Variants in PCDHGB2 observed in about 807,000 individuals in gnomAD.
The protein encoded by PCDHGB2 is protocadherin gamma-B2.
A neutral mutation model predicts 59.3 loss-of-function variants in PCDHGB2; 55 were observed. The ratio of observed to expected loss-of-function variants is 0.93; its 90% confidence interval spans 0.75 to 1.16. The LOEUF (loss-of-function observed/expected upper bound fraction) is 1.16. Among genes scored for constraint, PCDHGB2 ranks in the 50% most tolerant of loss-of-function variants. PCDHGB2 has a pLI of 0.00. For missense variants in PCDHGB2, 1,228 were observed against 1,198.5 expected (o/e 1.02, Z -0.36); for synonymous variants, 516 against 512.0 (o/e 1.01, Z -0.11).
At chr5:141,501,583 T>C (rs1270487304) in intron 2 of PCDHGB2, among the ~76,000 whole-genome samples, 1 of 152,054 alleles carries the variant, frequency 6.6e-6, no homozygotes, top group Non-Finnish European at 1.5e-5. Context: ...GGCTTTCAGG[T>C]TGCAACTCTA....
intron 1 of PCDHGB2, chr5:141,395,176 A>G (rs750497200): frequency 1.1e-5 from 18 of 1,614,206 alleles, no homozygotes; most frequent in East Asian, 8.9e-5. Flanking sequence ...TGTGAGAAAA[A>G]TGATTCTTTG....
rs544678317 is a variant in PCDHGB2, at chr5:141,430,911, A to C, written c.2422-63896A>C. The C allele has an allele frequency of 1.9e-5, 31 of 1,607,958 alleles. No homozygotes were observed. The Admixed American group carries it at 2.2e-4, about 11-fold the overall frequency. ...TCTAGGGTGGGCGACATCTCCAGGG[A>C]CCTGGGGCTGGAGCCCCGGGAGCTC... On this transcript the variant is annotated intron_variant, in intron 1 of 3. Transcript: ENST00000522605.
intron 1 of PCDHGB2, chr5:141,382,981 GC>G (rs1247248869): frequency 6.2e-7 from 1 of 1,612,206 alleles, no homozygotes; most frequent in African/African-American, 1.3e-5. Flanking sequence ...GGAAGCCTGG[GC>G]AGGACGTATT....
chr5:141,490,111 A>G lies in PCDHGB2; in HGVS notation c.2422-4696A>G. 6.2e-7 allele frequency: 1 copy of G among 1,614,244 alleles called. No individual in the cohort carries two copies. The highest frequency in any genetic ancestry group is 8.5e-7 in the Non-Finnish European group (1 of 1,180,042). On this transcript the variant is annotated intron_variant, in intron 1 of 3. Coordinates refer to ENST00000522605, the MANE Select transcript of PCDHGB2 (RefSeq NM_018923.3). The surrounding 1 kb of genome is among the most constrained non-coding windows in gnomAD (Gnocchi z 5.4). ...AGACCACACATCTGAGGCAGTGCGGAACCTCTTTGGCCTAGACCCTAGCAG... is the reference window on the plus strand; with the variant it reads ...AGACCACACATCTGAGGCAGTGCGGGACCTCTTTGGCCTAGACCCTAGCAG...
At chr5:141,365,421 C>T in intron 1 of PCDHGB2, 1 of 1,614,014 alleles carries the variant, frequency 6.2e-7, no homozygotes, top group East Asian at 2.2e-5. Flanking sequence ...CTTCCCGGAA[C>T]TGTAATCGCG....
rs1285653916 is a variant in PCDHGB2, at chr5:141,388,617, G to A, written c.2421+26061G>A. ...TGATAATGCTCCAGTGTTCAGTCAA[G>A]ACGTATACAGGGTGAGCCTTTCAGA... is the stretch of plus-strand genomic sequence containing the variant. On this transcript the variant is annotated intron_variant, in intron 1 of 3. Coordinates refer to ENST00000522605, the MANE Select transcript of PCDHGB2 (RefSeq NM_018923.3). The A allele has an allele frequency of 3.1e-6, 5 of 1,613,920 alleles. No individual in the cohort carries two copies. The South Asian group carries it at 5.5e-5, about 18-fold the overall frequency.
intron 1 of PCDHGB2, chr5:141,378,778 C>G (rs962575356): frequency 6.6e-5 from 10 of 152,270 alleles, no homozygotes; most frequent in Middle Eastern, 3.4e-3. Flanking sequence ...ACTGATTAGT[C>G]TTATTTATTA....
At position 141,494,788 on chromosome 5, in the gene PCDHGB2, C is replaced by T. The variant is rs2099756942; in HGVS notation, c.2422-19C>T. The T allele has an allele frequency of 6.2e-7, 1 of 1,614,116 alleles. No homozygotes were observed. The highest frequency in any genetic ancestry group is 8.5e-7 in the Non-Finnish European group (1 of 1,180,000). On this transcript the variant is annotated intron_variant, in intron 1 of 3. Transcript: ENST00000522605. ...CTTCTCACGGGTACTCAGCCCCTTTCCCTCTGTTTTCTCCACAGCAAGCCC... is the reference window on the plus strand; with the variant it reads ...CTTCTCACGGGTACTCAGCCCCTTTTCCTCTGTTTTCTCCACAGCAAGCCC...
intron 1 of PCDHGB2, chr5:141,428,211 C>T (rs777952475): frequency 2.2e-5 from 28 of 1,284,198 alleles, no homozygotes; most frequent in South Asian, 4.9e-5. Flanking sequence ...CTACGCTTCA[C>T]CTAGTCTTCG....
rs766133958 is a variant in PCDHGB2, at chr5:141,403,000, A to G, written c.2421+40444A>G. 27 of 1,613,862 alleles carry G rather than the reference A, an allele frequency of 1.7e-5. No individual in the cohort carries two copies. Among genetic ancestry groups the G allele is most frequent in the Middle Eastern group, 1.6e-4 (1 of 6,082 alleles). ...AGCTCCGCGGAAGATTAGTCCTGCT[A>G]TGCTCGCTCCTGGGGATGCTATGGG... On this transcript the variant is annotated intron_variant, in intron 1 of 3. Transcript: ENST00000522605.
chr5:141,401,672 T>A (rs1468956975), intron 1 of PCDHGB2, among the ~76,000 whole-genome samples: 1 of 152,222 alleles, frequency 6.6e-6, no homozygotes, highest in African/African-American at 2.4e-5. Context: ...CTCAACATCC[T>A]TGTAGGATGG....
At chr5:141,370,407 T>G in intron 1 of PCDHGB2, 1 of 1,561,028 alleles carries the variant, frequency 6.4e-7, no homozygotes, top group African/African-American at 1.4e-5. Flanking sequence ...GGGAAATAGC[T>G]CCGGATGGAG....
At chr5:141,394,557 G>T in intron 1 of PCDHGB2, 1 of 1,614,082 alleles carries the variant, frequency 6.2e-7, no homozygotes, top group South Asian at 1.1e-5. Context: ...GCCCCGCTCC[G>T]CAGAGCGTGG....
intron 1 of PCDHGB2, chr5:141,422,741 A>G (rs1319821802): frequency 6.2e-7 from 1 of 1,610,084 alleles, no homozygotes; most frequent in Non-Finnish European, 8.5e-7. Flanking sequence ...CTGTCCTCCT[A>G]TGTCTCTATT....
chr5:141,444,463 G>A (rs570185430), intron 1 of PCDHGB2, among the ~76,000 whole-genome samples: 10 of 152,026 alleles, frequency 6.6e-5, no homozygotes, highest in Admixed American at 1.3e-4. Context: ...GAGTCACTGC[G>A]CCCGGTCGCG....
In PCDHGB2 at chr5:141,431,538, A is replaced by G; in HGVS notation, c.2422-63269A>G. ...CCGGAGAATCTGGCCTTGGGCACGC[A>G]GCTGCTTGTAGTCAACGCTACCGAC... is the stretch of plus-strand genomic sequence containing the variant. On this transcript the variant is annotated intron_variant, in intron 1 of 3. Transcript: ENST00000522605. The surrounding 1 kb of genome is among the most constrained non-coding windows in gnomAD (Gnocchi z 4.8). The G allele has an allele frequency of 6.2e-7, 1 of 1,614,114 alleles. No individual in the cohort carries two copies. Among genetic ancestry groups the G allele is most frequent in the Non-Finnish European group, 8.5e-7 (1 of 1,180,024 alleles).
intron 1 of PCDHGB2, chr5:141,376,235 C>T: frequency 1.2e-6 from 2 of 1,614,198 alleles, no homozygotes; most frequent in Non-Finnish European, 1.7e-6. Flanking sequence ...CAGACTGCAG[C>T]GCTGGCACAA....
intron 1 of PCDHGB2, chr5:141,394,550 C>T (rs1389907024): frequency 9.3e-6 from 15 of 1,614,014 alleles, no homozygotes; most frequent in South Asian, 7.7e-5. Flanking sequence ...AGCTGGCGCC[C>T]CGCTCCGCAG....
At chr5:141,455,438 C>G (rs1350941007) in intron 1 of PCDHGB2, among the ~76,000 whole-genome samples, 1 of 152,082 alleles carries the variant, frequency 6.6e-6, no homozygotes, top group Non-Finnish European at 1.5e-5. Context: ...GAGGAGGTCC[C>G]CATCTACCGC....
Sources: allele counts gnomAD v4.1 joint callset (sites outside exome capture counted in the v4.1 genomes callset), GRCh38; gene constraint gnomAD v4.1.1; non-coding constraint Gnocchi (gnomAD v3.1); transcripts MANE v1.5; gene names NCBI Gene and HGNC (gene_info 2026-07-23, HGNC 2026-07-21).